Variants in NELL2 observed in about 807,000 individuals in gnomAD.
NELL2 encodes the protein neural EGFL like 2.
NELL2 carries 41 observed loss-of-function variants against 109.6 expected under a neutral mutation model. That is an observed-to-expected ratio of 0.37 (90% CI 0.29 to 0.49). NELL2 has a LOEUF of 0.49. Among genes scored for constraint, NELL2 ranks in the 20% least tolerant of loss-of-function variants. The pLI, the probability that NELL2 is intolerant of heterozygous loss-of-function variation, is 0.98. For missense variants in NELL2, 900 were observed against 1,008.3 expected (o/e 0.89, Z 1.45); for synonymous variants, 355 against 344.7 (o/e 1.03, Z -0.33).
At chr12:44,530,033 A>T (rs1268410468) in intron 16 of NELL2, among the ~76,000 whole-genome samples, 1 of 152,176 alleles carries the variant, frequency 6.6e-6, no homozygotes, top group African/African-American at 2.4e-5. Context: ...ATGGAAGAGA[A>T]AATTAATATT....
intron 2 of NELL2, among the ~76,000 whole-genome samples, chr12:44,849,597 C>A (rs2136774731): frequency 6.6e-6 from 1 of 152,248 alleles, no homozygotes. Flanking sequence ...TTGGAAGTTT[C>A]TTAAAAAGTT....
At chr12:44,760,756 GT>G (rs1453107633) in intron 9 of NELL2, among the ~76,000 whole-genome samples, 2 of 152,028 alleles carry the variant, frequency 1.3e-5, no homozygotes, top group Admixed American at 6.6e-5. Flanking sequence ...ATCCCAGGTT[GT>G]TTAAATTTAA....
intron 13 of NELL2, among the ~76,000 whole-genome samples, chr12:44,636,260 T>C (rs1261870470): frequency 6.6e-6 from 1 of 152,106 alleles, no homozygotes; most frequent in Non-Finnish European, 1.5e-5. Flanking sequence ...CTCCTCCTAT[T>C]TGAATACCTT....
At chr12:44,578,641 T>G (rs1214946390) in intron 15 of NELL2, among the ~76,000 whole-genome samples, 5 of 151,702 alleles carry the variant, frequency 3.3e-5, no homozygotes, top group East Asian at 1.9e-4. Context: ...TTTTTTTTTT[T>G]TGTGGCAACA....
chr12:44,515,454 G>C (rs1683542911), intron 19 of NELL2, among the ~76,000 whole-genome samples: 1 of 151,754 alleles, frequency 6.6e-6, no homozygotes, highest in Non-Finnish European at 1.5e-5. Context: ...TTTTATAACA[G>C]GCAAAATGAA....
chr12:44,650,351 T>C (rs569036285), intron 13 of NELL2, among the ~76,000 whole-genome samples: 2 of 150,944 alleles, frequency 1.3e-5, no homozygotes, highest in South Asian at 2.1e-4. Context: ...TAGAGTGCAG[T>C]GGTGTGATCT....
intron 2 of NELL2, among the ~76,000 whole-genome samples, chr12:44,827,285 T>A (rs537210924): frequency 6.6e-6 from 1 of 152,318 alleles, no homozygotes; most frequent in Admixed American, 6.5e-5. Flanking sequence ...CAAGCACTTA[T>A]CCTTTGTGTT....
At chr12:44,873,464 T>C (rs181819344) in intron 2 of NELL2, among the ~76,000 whole-genome samples, 5 of 152,204 alleles carry the variant, frequency 3.3e-5, no homozygotes, top group African/African-American at 1.2e-4. Flanking sequence ...TTCCTAAAAA[T>C]GGTTTAATTT....
intron 9 of NELL2, among the ~76,000 whole-genome samples, chr12:44,717,722 G>C (rs1034654633): frequency 2.0e-5 from 3 of 152,186 alleles, no homozygotes; most frequent in Non-Finnish European, 2.9e-5. Context: ...CCTTGTAAAA[G>C]CTGTAATCAT....
chr12:44,883,476 C>G (rs767450220), intron 1 of NELL2, among the ~76,000 whole-genome samples: 1 of 152,014 alleles, frequency 6.6e-6, no homozygotes, highest in South Asian at 2.1e-4. Context: ...GTCTCCCCAT[C>G]TGAAGACCCT....
intron 1 of NELL2, among the ~76,000 whole-genome samples, chr12:44,905,259 T>C (rs370672731): frequency 1.1e-4 from 16 of 152,112 alleles, no homozygotes; most frequent in African/African-American, 3.6e-4. Flanking sequence ...GTATTTTCTT[T>C]ATTTCTTCTT....
intron 9 of NELL2, among the ~76,000 whole-genome samples, chr12:44,743,577 A>C (rs572538772): frequency 2.6e-5 from 4 of 152,150 alleles, no homozygotes; most frequent in African/African-American, 2.4e-5. Flanking sequence ...GAGACACACA[A>C]AGGCTCAAAA....
At chr12:44,588,578 T>C (rs1002906512) in intron 15 of NELL2, among the ~76,000 whole-genome samples, 7 of 152,210 alleles carry the variant, frequency 4.6e-5, no homozygotes, top group Admixed American at 4.6e-4. Context: ...AAAGTATGCT[T>C]ATGTATGTTT....
chr12:44,544,128 T>C (rs1250154513), intron 15 of NELL2, among the ~76,000 whole-genome samples: 1 of 152,096 alleles, frequency 6.6e-6, no homozygotes, highest in Non-Finnish European at 1.5e-5. Context: ...GTTGATACGA[T>C]GCGAAATGAA....
intron 15 of NELL2, among the ~76,000 whole-genome samples, chr12:44,598,149 A>G (rs904243887): frequency 2.2e-5 from 3 of 136,108 alleles, no homozygotes; most frequent in African/African-American, 8.9e-5. Context: ...AACCTGGAAT[A>G]TAATTTATTC....
chr12:44,829,247 T>C (rs1172133843), intron 2 of NELL2, among the ~76,000 whole-genome samples: 1 of 152,186 alleles, frequency 6.6e-6, no homozygotes, highest in African/African-American at 2.4e-5. Flanking sequence ...AAGATGATGA[T>C]GATGATGTCA....
At chr12:44,614,013 C>T (rs1470124103) in intron 13 of NELL2, among the ~76,000 whole-genome samples, 4 of 151,878 alleles carry the variant, frequency 2.6e-5, no homozygotes, top group Non-Finnish European at 5.9e-5. Context: ...ATATTATGTT[C>T]CAATGTTTAA....
At chr12:44,878,405 C>A (rs1945373564), upstream of NELL2, among the ~76,000 whole-genome samples, 1 of 152,140 alleles carries the variant, frequency 6.6e-6, no homozygotes, top group South Asian at 2.1e-4. Flanking sequence ...TAAAGGTGAG[C>A]CATTGTATTA....
At chr12:44,762,570 A>C (rs1330459285) in intron 9 of NELL2, among the ~76,000 whole-genome samples, 10 of 152,180 alleles carry the variant, frequency 6.6e-5, no homozygotes, top group Non-Finnish European at 1.2e-4. Flanking sequence ...TCCTTAATTT[A>C]ACGCCATCCT....
Sources: allele counts gnomAD v4.1 joint callset (sites outside exome capture counted in the v4.1 genomes callset), GRCh38; gene constraint gnomAD v4.1.1; transcripts MANE v1.5; gene names NCBI Gene and HGNC (gene_info 2026-07-23, HGNC 2026-07-21).